SLC1A3: variants seen among roughly 807,000 people sequenced by gnomAD.
SLC1A3 encodes the protein solute carrier family 1 member 3.
Under a neutral mutation model 48.1 loss-of-function variants are expected in SLC1A3, and 21 were observed. The ratio of observed to expected loss-of-function variants is 0.44; its 90% confidence interval spans 0.31 to 0.63. SLC1A3 has a LOEUF of 0.63. Among genes scored for constraint, SLC1A3 ranks in the 20% least tolerant of loss-of-function variants. SLC1A3 has a pLI of 0.08. For missense variants in SLC1A3, 546 were observed against 689.0 expected, an observed-to-expected ratio of 0.79 and a Z score of 2.32; for synonymous variants, 239 against 251.4, an observed-to-expected ratio of 0.95 and a Z score of 0.47.
rs68027582 is a variant in SLC1A3 at position 36,645,319 on chromosome 5, C to CTTTTTTTTTTTTTTTTTTTTTTTTT, written c.319+15737_319+15761dup. On this transcript the variant is annotated intron_variant, in intron 3 of 9. Coordinates refer to ENST00000265113, the MANE Select transcript of SLC1A3 (RefSeq NM_004172.5). ...ATCTTTGAGGACTGACTTCCGCTGC[C>CTTTTTTTTTTTTTTTTTTTTTTTTT]TTTTTTTTTTTTTTTTTTTTTTTTT... 7.1e-5 allele frequency among the ~76,000 whole-genome samples: 6 copies of CTTTTTTTTTTTTTTTTTTTTTTTTT among 84,272 alleles called. 3 individuals carry two copies. The highest frequency in any genetic ancestry group is 4.7e-5 in the Non-Finnish European group (2 of 42,786). 55.3% of individuals were successfully genotyped at this position (84,272 alleles called of 152,430 possible).
At chr5:36,620,834 T>C (rs1009114220) in intron 2 of SLC1A3, among the ~76,000 whole-genome samples, 1 of 151,622 alleles carries the variant, frequency 6.6e-6, no homozygotes, top group African/African-American at 2.4e-5. Flanking sequence ...ATAGGAACTA[T>C]TAAAACAAAT....
chr5:36,629,648 G>C, intron 3 of SLC1A3, 61 bp downstream of exon 3: 1 of 1,442,304 alleles, frequency 6.9e-7, no homozygotes, highest in Middle Eastern at 2.0e-4. Context: ...GCAAAAGATT[G>C]CTTAGAAAAG....
At position 36,633,951 on chromosome 5, in the gene SLC1A3, G is replaced by C. The variant is rs143725920; in HGVS notation, c.319+4364G>C. Among the ~76,000 whole-genome samples, 807 of 152,260 alleles carry C rather than the reference G, an allele frequency of 5.3e-3. 10 individuals carry two copies. Among genetic ancestry groups the C allele is most frequent in the African/African-American group, 0.018 (760 of 41,552 alleles). On this transcript the variant is annotated intron_variant, in intron 3 of 9. Coordinates refer to ENST00000265113, the MANE Select transcript of SLC1A3 (RefSeq NM_004172.5). The stretch of plus-strand genomic sequence containing the variant: ...TGCAATTGCCTAACAAAGGCTCTGG[G>C]AGCCTGAGACCCGACTCCCCCGCTC...
intron 2 of SLC1A3, among the ~76,000 whole-genome samples, chr5:36,620,663 G>A (rs1333221917): frequency 6.6e-6 from 1 of 152,156 alleles, no homozygotes; most frequent in Non-Finnish European, 1.5e-5. Flanking sequence ...CACCTACTGT[G>A]TGCCAGGAAC....
intron 2 of SLC1A3, among the ~76,000 whole-genome samples, chr5:36,622,340 G>A (rs1364280985): frequency 6.6e-6 from 1 of 152,164 alleles, no homozygotes; most frequent in African/African-American, 2.4e-5. Context: ...GGAAGATTTG[G>A]CGTAGTAATA....
At chr5:36,628,767 G>A (rs184514895) in intron 2 of SLC1A3, among the ~76,000 whole-genome samples, 42 of 152,256 alleles carry the variant, frequency 2.8e-4, no homozygotes, top group Middle Eastern at 6.8e-3. Flanking sequence ...GGAAAATTGC[G>A]TTCTCTTTCC....
chr5:36,612,601 AAAAAATAAT>A (rs1189394865), intron 2 of SLC1A3: 1 of 146,216 alleles, frequency 6.8e-6, no homozygotes, highest in South Asian at 2.1e-4. Context: ...AATAAGAAAA[AAAAAATAAT>A]AATAATAATA....
intron 3 of SLC1A3, among the ~76,000 whole-genome samples, chr5:36,661,007 C>G (rs940118742): frequency 8.5e-5 from 13 of 152,196 alleles, no homozygotes; most frequent in Non-Finnish European, 4.4e-5. Context: ...TCAGCCCCAG[C>G]TCTATCACCA....
intron 3 of SLC1A3, among the ~76,000 whole-genome samples, chr5:36,640,661 A>C (rs984581222): frequency 6.6e-6 from 1 of 152,286 alleles, no homozygotes; most frequent in African/African-American, 2.4e-5. Context: ...AATCCTTTAG[A>C]AGGATACTAA....
intron 2 of SLC1A3, among the ~76,000 whole-genome samples, chr5:36,610,091 A>AGTT (rs1739130848): frequency 1.3e-5 from 2 of 152,210 alleles, no homozygotes; most frequent in South Asian, 4.1e-4. Context: ...CTGACTGTGG[A>AGTT]GAGATCAAGC....
intron 3 of SLC1A3, among the ~76,000 whole-genome samples, chr5:36,654,368 C>T (rs1741206736): frequency 6.6e-6 from 1 of 152,160 alleles, no homozygotes; most frequent in African/African-American, 2.4e-5. Context: ...CCCTGCTCAT[C>T]GATATCCCAA....
At chr5:36,659,979 C>T (rs1741438925) in intron 3 of SLC1A3, among the ~76,000 whole-genome samples, 1 of 152,194 alleles carries the variant, frequency 6.6e-6, no homozygotes, top group Admixed American at 6.5e-5. Context: ...ATTTAAAAAT[C>T]ATTGTTTTGT....
intron 3 of SLC1A3, among the ~76,000 whole-genome samples, chr5:36,654,529 C>G (rs1463816308): frequency 3.3e-5 from 5 of 152,200 alleles, no homozygotes; most frequent in Non-Finnish European, 7.3e-5. Context: ...TAAAGGGGCA[C>G]AGACTCCATA....
At chr5:36,608,754 A>G in intron 2 of SLC1A3, 150 bp downstream of exon 2, 3 of 1,462,792 alleles carry the variant, frequency 2.1e-6, no homozygotes, top group Non-Finnish European at 2.7e-6. Flanking sequence ...CTCCATAAAA[A>G]TGACTGTTTT....
intron 3 of SLC1A3, among the ~76,000 whole-genome samples, chr5:36,645,193 A>T (rs897489595): frequency 6.6e-5 from 10 of 151,842 alleles, no homozygotes; most frequent in Non-Finnish European, 8.8e-5. Flanking sequence ...TGCTTTCTGG[A>T]GGTAACTGCA....
Position 36,631,784 on chromosome 5 carries a change from G to GAAT in SLC1A3, c.319+2198_319+2200dup, listed in dbSNP as rs541664969. 9.8e-5 allele frequency among the ~76,000 whole-genome samples: 15 copies of GAAT among 152,340 alleles called. No homozygotes were observed. The South Asian group carries it at 3.1e-3, about 32-fold the overall frequency. ...ATGGAATGAATGATGGATTCAGTAA[G>GAAT]AATGTCCTTTATGGTTTTGAATACA... On this transcript the variant is annotated intron_variant, in intron 3 of 9. Transcript: ENST00000265113.
intron 6 of SLC1A3, 73 bp from the exon 7 acceptor site, chr5:36,679,554 A>T (rs1554045500): frequency 9.3e-7 from 1 of 1,076,268 alleles, no homozygotes. Context: ...CCTTTTTCTT[A>T]TCACTTGGAA....
intron 3 of SLC1A3, among the ~76,000 whole-genome samples, chr5:36,639,504 C>T (rs1740528291): frequency 6.6e-6 from 1 of 152,182 alleles, no homozygotes; most frequent in African/African-American, 2.4e-5. Flanking sequence ...TAATATTCTG[C>T]TCTTTCAAAT....
At chr5:36,604,189 G>T (rs967863755), upstream of SLC1A3, among the ~76,000 whole-genome samples, 1 of 152,106 alleles carries the variant, frequency 6.6e-6, no homozygotes, top group Non-Finnish European at 1.5e-5. Context: ...TTTGCTGCTG[G>T]TGTTTGTGTT....
Sources: allele counts gnomAD v4.1 joint callset (sites outside exome capture counted in the v4.1 genomes callset), GRCh38; gene constraint gnomAD v4.1.1; transcripts MANE v1.5; gene names NCBI Gene and HGNC (gene_info 2026-07-23, HGNC 2026-07-21).